Variants in RNF115 observed in about 807,000 individuals in gnomAD.
RNF115 encodes the protein ring finger protein 115, also known as E3 ubiquitin-protein ligase RNF115.
In RNF115, 31 loss-of-function variants were observed where a neutral mutation model predicts 39.2. The ratio of observed to expected loss-of-function variants is 0.79; its 90% CI spans 0.59 to 1.07. RNF115 has a LOEUF of 1.07. RNF115 is among the 50% of genes least tolerant of loss of function. The probability of loss-of-function intolerance (pLI) is 0.00; values close to 1 mark genes in which losing one functional copy is unlikely to be tolerated. For missense variants in RNF115, 384 were observed against 381.7 expected, an observed-to-expected ratio of 1.01 and a Z score of -0.05; for synonymous variants, 124 against 131.0, an observed-to-expected ratio of 0.95 and a Z score of 0.37.
chr1:145,767,064 A>G (rs1344473147), intron 4 of RNF115, among the ~76,000 whole-genome samples: 114 of 96,488 alleles, frequency 1.2e-3, no homozygotes, highest in African/African-American at 2.2e-3. Context: ...CTGGCAGGGC[A>G]GGGGGCTGAC....
rs78878919 is a variant in RNF115 at position 145,770,702 on chromosome 1, G to A, written c.428+1009C>T. On this transcript the variant is annotated intron_variant, in intron 4 of 8. Transcript: ENST00000582693. ...ATTTTATAAAATGAAAACAGCAATA[G>A]CACCTATTACTTCACACAAATTAAA... Among the ~76,000 whole-genome samples, 1,333 of 152,220 alleles carry A rather than the reference G, an allele frequency of 8.8e-3. 25 individuals carry two copies. The highest frequency in any genetic ancestry group is 0.031 in the African/African-American group (1,273 of 41,526).
chr1:145,767,993 G>GGGAGA (rs1647453089), intron 4 of RNF115, among the ~76,000 whole-genome samples: 10 of 150,852 alleles, frequency 6.6e-5, no homozygotes, highest in Admixed American at 3.3e-4. Context: ...GGGAGACCGT[G>GGGAGA]GGGAGAGGGA....
intron 1 of RNF115, among the ~76,000 whole-genome samples, chr1:145,793,060 T>C (rs1471210505): frequency 1.3e-5 from 2 of 152,244 alleles, no homozygotes; most frequent in Non-Finnish European, 2.9e-5. Context: ...GGCTCACGCC[T>C]ATAATCTTAA....
chr1:145,770,756 C>A (rs1313013398), intron 4 of RNF115, among the ~76,000 whole-genome samples: 1 of 152,190 alleles, frequency 6.6e-6, no homozygotes, highest in Non-Finnish European at 1.5e-5. Context: ...GCATGAAGCA[C>A]AGTCCTCTGC....
In RNF115 at chr1:145,780,846, T is replaced by G. The variant is rs587702109; in HGVS notation, c.219+3693A>C. Reference sequence around the variant, plus strand: ...TCTGAGGCAGCAGCCAGAGCCACTCTTGCACTGAAGCAATCCATTCAGGTA... The same window carrying G: ...TCTGAGGCAGCAGCCAGAGCCACTCGTGCACTGAAGCAATCCATTCAGGTA... On this transcript the variant is annotated intron_variant, in intron 3 of 8. Transcript: ENST00000582693. Among the ~76,000 whole-genome samples the G allele has an allele frequency of 6.6e-5, 10 of 152,190 alleles. No homozygotes were observed. The South Asian group carries it at 2.1e-3, about 32-fold the overall frequency.
At chr1:145,779,975 C>T (rs1466982156) in intron 3 of RNF115, among the ~76,000 whole-genome samples, 1 of 151,842 alleles carries the variant, frequency 6.6e-6, no homozygotes, top group East Asian at 2.0e-4. Context: ...AGCCCGTAAT[C>T]CCAGCACTCT....
At chr1:145,798,070 A>G (rs1649062908) in intron 1 of RNF115, among the ~76,000 whole-genome samples, 1 of 152,206 alleles carries the variant, frequency 6.6e-6, no homozygotes, top group Non-Finnish European at 1.5e-5. Context: ...CACAATTTAC[A>G]AACATTTTCT....
At chr1:145,747,109 GA>G in intron 8 of RNF115, 112 bp from the exon 9 acceptor site, 1 of 1,128,446 alleles carries the variant, frequency 8.9e-7, no homozygotes, top group African/African-American at 1.5e-5. Context: ...ACATGGAACA[GA>G]AAAACAATAG....
intron 1 of RNF115, among the ~76,000 whole-genome samples, chr1:145,789,559 T>C (rs1648561374): frequency 1.3e-5 from 2 of 150,248 alleles, no homozygotes; most frequent in Non-Finnish European, 3.0e-5. Flanking sequence ...ACAACACGCC[T>C]GGCTAATTTT....
intron 3 of RNF115, among the ~76,000 whole-genome samples, chr1:145,775,524 T>C (rs587628290): frequency 1.3e-5 from 2 of 151,148 alleles, no homozygotes; most frequent in East Asian, 3.9e-4. Flanking sequence ...ATCTCCCAAG[T>C]AGCTAGGACT....
At chr1:145,787,705 G>T (rs889647507) in intron 2 of RNF115, among the ~76,000 whole-genome samples, 8 of 152,022 alleles carry the variant, frequency 5.3e-5, no homozygotes, top group South Asian at 2.1e-4. Context: ...TGGCCAACAC[G>T]GCAAAACCCC....
In RNF115 at chr1:145,744,927, A is replaced by G. The variant is rs1328210170; in HGVS notation, c.*1939T>C. 2.0e-5 allele frequency: 3 copies of G among 152,202 alleles called. No homozygotes were observed. Among genetic ancestry groups the G allele is most frequent in the Non-Finnish European group, 4.4e-5 (3 of 68,040 alleles). The allele number at this position is 152,202 out of a possible 1,614,324, so 9.4% of individuals were successfully genotyped here. A position where few individuals can be genotyped will look rare whatever the true frequency, so the allele number is the denominator to read the frequency against. The stretch of plus-strand genomic sequence containing the variant: ...CATGGGACACTACTAGGCTGAAAAA[A>G]TAAGGCCTACCTCTTCCAGGCCAAG... On this transcript the variant is annotated 3_prime_UTR_variant, in exon 9 of 9. Transcript: ENST00000582693.
intron 1 of RNF115, among the ~76,000 whole-genome samples, chr1:145,807,453 T>C (rs1308268245): frequency 6.6e-6 from 1 of 152,164 alleles, no homozygotes; most frequent in African/African-American, 2.4e-5. Flanking sequence ...CTGCACTTGA[T>C]AGAGAATAAT....
At chr1:145,766,315 G>A (rs1376912354) in intron 4 of RNF115, among the ~76,000 whole-genome samples, 1 of 152,130 alleles carries the variant, frequency 6.6e-6, no homozygotes, top group Non-Finnish European at 1.5e-5. Flanking sequence ...TTGGGGGTAA[G>A]GTCACAGATC....
At chr1:145,777,153 C>T (rs192910545) in intron 3 of RNF115, among the ~76,000 whole-genome samples, 16 of 152,202 alleles carry the variant, frequency 1.1e-4, no homozygotes, top group African/African-American at 2.9e-4. Context: ...TCTATGATTC[C>T]CTTACTATAT....
At chr1:145,764,085 C>G (rs1658645086) in intron 4 of RNF115, among the ~76,000 whole-genome samples, 1 of 152,176 alleles carries the variant, frequency 6.6e-6, no homozygotes. Context: ...GACTGGTTTT[C>G]GTATTTTTTT....
At chr1:145,787,370 A>C (rs1049907478) in intron 2 of RNF115, among the ~76,000 whole-genome samples, 1 of 151,894 alleles carries the variant, frequency 6.6e-6, no homozygotes, top group Non-Finnish European at 1.5e-5. Flanking sequence ...TCAGGACTTC[A>C]AGACCAGCCT....
intron 1 of RNF115, among the ~76,000 whole-genome samples, chr1:145,822,292 G>A (rs192086361): frequency 8.7e-3 from 1,290 of 148,394 alleles, no homozygotes; most frequent in East Asian, 0.029. Context: ...CATGCTCCTG[G>A]GTGATAGACA....
intron 3 of RNF115, among the ~76,000 whole-genome samples, chr1:145,782,949 C>T (rs1165356640): frequency 2.6e-5 from 4 of 152,202 alleles, no homozygotes; most frequent in Non-Finnish European, 5.9e-5. Flanking sequence ...TCAACCTCTG[C>T]CTCCCGGGTT....
Sources: allele counts gnomAD v4.1 joint callset (sites outside exome capture counted in the v4.1 genomes callset), GRCh38; gene constraint gnomAD v4.1.1; transcripts MANE v1.5; gene names NCBI Gene and HGNC (gene_info 2026-07-23, HGNC 2026-07-21).